COL9A2: variants seen among roughly 807,000 people sequenced by gnomAD.
The protein encoded by COL9A2 is collagen type IX alpha 2 chain, also known as collagen alpha-2(IX) chain.
Under a neutral mutation model 111.6 loss-of-function variants are expected in COL9A2, and 66 were observed. That is an observed-to-expected ratio of 0.59 (90% CI 0.48 to 0.73). The LOEUF is 0.73. Among genes scored for constraint, COL9A2 ranks in the 30% least tolerant of loss-of-function variants. The probability of loss-of-function intolerance (pLI) is 0.00; values close to 1 mark genes in which losing one functional copy is unlikely to be tolerated. For missense variants in COL9A2, 881 were observed against 954.1 expected (o/e 0.92, Z 1.01); for synonymous variants, 353 against 364.1 (o/e 0.97, Z 0.35).
Position 40,311,814 on chromosome 1 carries a change from C to A in COL9A2, c.418-99G>T. On this transcript the variant is annotated intron_variant, in intron 8 of 31. Transcript: ENST00000372748. The surrounding 1 kb of genome is among the most constrained non-coding windows in gnomAD (Gnocchi z 5.1). ...CCTGCCTCTGCCCTCTCCACCCTGT[C>A]TTCCCGGTCACTTTGTGAGATCCAC... 1.6e-6 allele frequency: 2 copies of A among 1,282,828 alleles called. No individual in the cohort carries two copies. Among genetic ancestry groups the A allele is most frequent in the Non-Finnish European group, 1.1e-6 (1 of 882,618 alleles). The allele number at this position is 1,282,828 out of a possible 1,614,324, so 79.5% of individuals were successfully genotyped here.
Position 40,311,154 on chromosome 1 carries a change from G to C in COL9A2, c.577-8C>G. ...GCGTTTGCCCGCATGCCCCTGAAGGGAAGGAGAGAGCTCAATACGAGGTCC... is the reference window on the plus strand; with the variant it reads ...GCGTTTGCCCGCATGCCCCTGAAGGCAAGGAGAGAGCTCAATACGAGGTCC... On this transcript the variant is annotated splice_region_variant and splice_polypyrimidine_tract_variant and intron_variant, in intron 11 of 31. Coordinates refer to ENST00000372748, the MANE Select transcript of COL9A2 (RefSeq NM_001852.4). The surrounding 1 kb of genome is among the most constrained non-coding windows in gnomAD (Gnocchi z 5.1). The C allele has an allele frequency of 1.2e-6, 2 of 1,614,212 alleles. No individual in the cohort carries two copies. Among genetic ancestry groups the C allele is most frequent in the Non-Finnish European group, 1.7e-6 (2 of 1,180,024 alleles).
At chr1:40,305,882 G>A in intron 20 of COL9A2, 114 bp from the exon 21 acceptor site, 1 of 963,394 alleles carries the variant, frequency 1.0e-6, no homozygotes, top group Non-Finnish European at 1.7e-6. Flanking sequence ...GGACGGGGGA[G>A]AGGGTATTCT....
rs1557788778 is a variant in COL9A2, at chr1:40,301,163, CTCTG to C, written c.*15_*18del. On this transcript the variant is annotated 3_prime_UTR_variant, in exon 32 of 32. Coordinates refer to ENST00000372748, the MANE Select transcript of COL9A2 (RefSeq NM_001852.4). Reference sequence around the variant, plus strand: ...CCTTCCCGCCAGGATGCCTGCCAGGCTCTGTCTGGGCCTGATGCTCAAGGCCCCT... The same window carrying C: ...CCTTCCCGCCAGGATGCCTGCCAGGCTCTGGGCCTGATGCTCAAGGCCCCT... 1 of 1,612,462 alleles carries C rather than the reference CTCTG, an allele frequency of 6.2e-7. No homozygotes were observed. The highest frequency in any genetic ancestry group is 2.2e-5 in the East Asian group (1 of 44,870).
At position 40,311,504 on chromosome 1, in the gene COL9A2, A is replaced by T. The variant is rs947779602; in HGVS notation, c.515T>A (p.Phe172Tyr). 1 of 1,586,120 alleles carries T rather than the reference A, an allele frequency of 6.3e-7. No individual in the cohort carries two copies. Among genetic ancestry groups the T allele is most frequent in the Non-Finnish European group, 8.6e-7 (1 of 1,165,766 alleles). Residue 172 changes from phenylalanine to tyrosine, a missense_variant, in exon 10 of 32, where the codon TTC (phenylalanine) becomes TAC (tyrosine). Transcript: ENST00000372748. The surrounding 1 kb of genome is among the most constrained non-coding windows in gnomAD (Gnocchi z 5.1). The stretch of plus-strand genomic sequence containing the variant: ...GCCCCAGACCTCGTCTCTCACCAGG[A>T]AATCCGCACTGCCTTCCAGACCCTG... Reference protein sequence around the residue: ...TIQGLEGSADFLCPTNCPPGM... With the variant: ...TIQGLEGSADYLCPTNCPPGM...
chr1:40,308,172 C>T lies in COL9A2; in HGVS notation c.900+20G>A. 1 of 1,613,618 alleles carries T rather than the reference C, an allele frequency of 6.2e-7. No individual in the cohort carries two copies. Among genetic ancestry groups the T allele is most frequent in the Middle Eastern group, 1.7e-4 (1 of 6,048 alleles). On this transcript the variant is annotated intron_variant, in intron 17 of 31. Coordinates refer to ENST00000372748, the MANE Select transcript of COL9A2 (RefSeq NM_001852.4). The stretch of plus-strand genomic sequence containing the variant: ...GGGCCCTGGCCTCTGTCCTGGTGGG[C>T]CTAGGCCTCTGGCACCTACCGTTGC...
chr1:40,302,685 A>C lies in COL9A2; in HGVS notation c.1728T>G (p.Pro576=). The C allele has an allele frequency of 6.3e-7, 1 of 1,596,100 alleles. No homozygotes were observed. Among genetic ancestry groups the C allele is most frequent in the East Asian group, 2.3e-5 (1 of 43,766 alleles). ...CGATGCCAGGAACGCCCCGAGGGCC[A>C]GGGTGCCCATGGGGGCCCTGCTTGC... ...YPGKQGPHGH[P]GPRGVPGIVG... Residue 576 remains proline, a synonymous_variant, in exon 30 of 32, where the codon CCT becomes CCG. Transcript: ENST00000372748. This position sits in a 1 kb window ranked among gnomAD's most constrained non-coding sequence, Gnocchi z 4.5.
In COL9A2 at chr1:40,303,919, C is replaced by G; in HGVS notation, c.1368+9G>C. ...CCGCTCCCCGCCCTTCCCTAGGCCG[C>G]GCGCTCACCTTCTCGCCTTTCTCTC... On this transcript the variant is annotated intron_variant, in intron 26 of 31. Coordinates refer to ENST00000372748, the MANE Select transcript of COL9A2 (RefSeq NM_001852.4). This position sits in a 1 kb window ranked among gnomAD's most constrained non-coding sequence, Gnocchi z 4.6. The G allele has an allele frequency of 6.4e-7, 1 of 1,552,600 alleles. No individual in the cohort carries two copies. Among genetic ancestry groups the G allele is most frequent in the South Asian group, 1.2e-5 (1 of 84,244 alleles).
At chr1:40,304,240 G>A (rs757768462) in intron 24 of COL9A2, 80 bp downstream of exon 24, 2 of 1,533,830 alleles carry the variant, frequency 1.3e-6, no homozygotes, top group South Asian at 1.2e-5. Flanking sequence ...TGGAGGCTCC[G>A]GAAGGATCTG....
At chr1:40,308,067 G>A in intron 17 of COL9A2, 125 bp downstream of exon 17, 1 of 940,688 alleles carries the variant, frequency 1.1e-6, no homozygotes, top group Non-Finnish European at 1.7e-6. Context: ...CATTTCCTGA[G>A]GTTATGGAGC....
intron 19 of COL9A2, 97 bp from the exon 20 acceptor site, chr1:40,306,284 C>T: frequency 3.7e-6 from 5 of 1,352,436 alleles, no homozygotes; most frequent in South Asian, 3.6e-5. Flanking sequence ...TTTCCCCCAC[C>T]TGTGGGAGCT....
chr1:40,305,992 A>G, intron 20 of COL9A2, 151 bp downstream of exon 20: 1 of 894,568 alleles, frequency 1.1e-6, no homozygotes, highest in South Asian at 1.4e-5. Flanking sequence ...GGAGTGCATG[A>G]TGGGTGGGAG....
At chr1:40,308,879 A>G (rs902891648) in intron 16 of COL9A2, among the ~76,000 whole-genome samples, 4 of 152,124 alleles carry the variant, frequency 2.6e-5, no homozygotes, top group Non-Finnish European at 5.9e-5. Context: ...CTGAATTGGA[A>G]CCTGTGATAG....
At position 40,302,146 on chromosome 1, in the gene COL9A2, A is replaced by G. The variant is rs145473000; in HGVS notation, c.1793-257T>C. ...ATTTACTGTGTCTCAGTGAACTAAG[A>G]CAAACTCTATGTAAACTACTCTAAG... On this transcript the variant is annotated intron_variant, in intron 30 of 31. Coordinates refer to ENST00000372748, the MANE Select transcript of COL9A2 (RefSeq NM_001852.4). The surrounding 1 kb of genome is among the most constrained non-coding windows in gnomAD (Gnocchi z 4.5). Among the ~76,000 whole-genome samples the G allele has an allele frequency of 4.6e-3, 701 of 152,296 alleles. 4 individuals are homozygous for G. Among genetic ancestry groups the G allele is most frequent in the African/African-American group, 0.016 (663 of 41,568 alleles).
rs2124035045 is a variant in COL9A2 at position 40,301,809 on chromosome 1, T to C, written c.1870+3A>G. 1 of 1,613,946 alleles carries C rather than the reference T, an allele frequency of 6.2e-7. No homozygotes were observed. The highest frequency in any genetic ancestry group is 1.7e-5 in the Admixed American group (1 of 60,024). On this transcript the variant is annotated splice_donor_region_variant and intron_variant, in intron 31 of 31. Coordinates refer to ENST00000372748, the MANE Select transcript of COL9A2 (RefSeq NM_001852.4). ...CTGCAGCTGGGCAGGGCCAATGGCT[T>C]ACCTGGGATCCCTGGGGGCCCAGGC...
rs1473640665 is a variant in COL9A2, at chr1:40,303,751, G to C, written c.1401+56C>G. ...TGGGCGAGAGTGGGGGGTGGGGGTC[G>C]AGGAAGGGAGTGGCCGCCCAGGAAA... is the stretch of plus-strand genomic sequence containing the variant. On this transcript the variant is annotated intron_variant, in intron 27 of 31. Transcript: ENST00000372748. This position sits in a 1 kb window ranked among gnomAD's most constrained non-coding sequence, Gnocchi z 4.6. 1.3e-6 allele frequency: 2 copies of C among 1,551,118 alleles called. No individual in the cohort carries two copies. The highest frequency in any genetic ancestry group is 1.7e-6 in the Non-Finnish European group (2 of 1,147,962).
Position 40,301,326 on chromosome 1 carries a change from G to A in COL9A2, c.1926C>T (p.Ser642=). 1 of 1,611,600 alleles carries A rather than the reference G, an allele frequency of 6.2e-7. No homozygotes were observed. Among genetic ancestry groups the A allele is most frequent in the Non-Finnish European group, 8.5e-7 (1 of 1,178,334 alleles). The change falls in exon 32 of 32, where the codon TCC becomes TCT. Residue 642 remains serine, a synonymous_variant. Coordinates refer to ENST00000372748, the MANE Select transcript of COL9A2 (RefSeq NM_001852.4). ...AINGKDGDRG[S]PGAPGEAGRP... ...GACCTGCCTCTCCTGGAGCCCCTGG[G>A]GACCCTCGATCTCCATCCTTGCCGT...
At position 40,305,769 on chromosome 1, in the gene COL9A2, C is replaced by T. The variant is rs1328956233; in HGVS notation, c.1054-1G>A. 3.7e-6 allele frequency: 6 copies of T among 1,614,156 alleles called. No individual in the cohort carries two copies. The highest frequency in any genetic ancestry group is 5.1e-6 in the Non-Finnish European group (6 of 1,180,026). The stretch of plus-strand genomic sequence containing the variant: ...GAAGGCCCTGCGGGCCCGGCTCACC[C>T]TGCAGGAAAACAGTTCTCAGGTCAG... On this transcript the variant is annotated splice_acceptor_variant, in intron 20 of 31. Transcript: ENST00000372748. LOFTEE classifies it high-confidence loss of function.
chr1:40,303,397 T>C lies in COL9A2; in HGVS notation c.1548+133A>G, dbSNP rs1643946880. 7.4e-7 allele frequency: 1 copy of C among 1,353,554 alleles called. No individual in the cohort carries two copies. The highest frequency in any genetic ancestry group is 1.5e-5 in the African/African-American group (1 of 68,916). 83.8% of individuals were successfully genotyped at this position (1,353,554 alleles called of 1,614,324 possible). A position where few individuals can be genotyped will look rare whatever the true frequency, so the allele number is the denominator to read the frequency against. ...TCAGGCTGCACTCACAGCCTTCCTG[T>C]CTGCTCTGGGGCTTGGAACCAGTCT... On this transcript the variant is annotated intron_variant, in intron 28 of 31. Coordinates refer to ENST00000372748, the MANE Select transcript of COL9A2 (RefSeq NM_001852.4). The surrounding 1 kb of genome is among the most constrained non-coding windows in gnomAD (Gnocchi z 4.6).
In COL9A2 at chr1:40,316,578, G is replaced by A. The variant is rs932556176; in HGVS notation, c.75+545C>T. On this transcript the variant is annotated intron_variant, in intron 1 of 31. Transcript: ENST00000372748. The surrounding 1 kb of genome is among the most constrained non-coding windows in gnomAD (Gnocchi z 5.5). The stretch of plus-strand genomic sequence containing the variant: ...GCCCACGACCTCCCCAGGCCGCGAA[G>A]TGCCAGGCTGGCGCCCCGCAGGCGA... 6 of 454,536 alleles carry A rather than the reference G, an allele frequency of 1.3e-5. No individual in the cohort carries two copies. The highest frequency in any genetic ancestry group is 7.8e-5 in the South Asian group (5 of 64,486). 28.2% of individuals were successfully genotyped at this position (454,536 alleles called of 1,614,324 possible). A position where few individuals can be genotyped will look rare whatever the true frequency, so the allele number is the denominator to read the frequency against.
Sources: allele counts gnomAD v4.1 joint callset (sites outside exome capture counted in the v4.1 genomes callset), GRCh38; gene constraint gnomAD v4.1.1; non-coding constraint Gnocchi (gnomAD v3.1); transcripts MANE v1.5; gene names NCBI Gene and HGNC (gene_info 2026-07-23, HGNC 2026-07-21).